The following VRK2 variants were observed in gnomAD, a reference collection of about 807,000 sequenced individuals.
VRK2 encodes serine/threonine-protein kinase VRK2.
In VRK2, 60 loss-of-function variants were observed where a neutral mutation model predicts 57.6. The observed-to-expected ratio is 1.04, with a 90% CI of 0.85 to 1.29. VRK2 has a LOEUF of 1.29. Ranked by LOEUF, VRK2 falls within the 50% of genes most tolerant of loss-of-function variation. The pLI, the probability that VRK2 is intolerant of heterozygous loss-of-function variation, is 0.00. For synonymous variants in VRK2, 231 were observed against 199.2 expected (o/e 1.16, Z -1.35); for missense variants, 705 against 588.1 (o/e 1.20, Z -2.06).
chr2:57,933,552 C>G (rs1670808497), intron 1 of VRK2, among the ~76,000 whole-genome samples: 1 of 151,678 alleles, frequency 6.6e-6, no homozygotes, highest in Non-Finnish European at 1.5e-5. Context: ...TCGTGATCCA[C>G]CCACCTCGGC....
chr2:57,930,709 A>T (rs1432935586), intron 1 of VRK2, among the ~76,000 whole-genome samples: 1 of 152,102 alleles, frequency 6.6e-6, no homozygotes, highest in Non-Finnish European at 1.5e-5. Flanking sequence ...TTACAACTGA[A>T]AGCTTATACC....
chr2:58,157,231 G>A (rs912836156), intron 12 of VRK2, among the ~76,000 whole-genome samples: 1 of 152,116 alleles, frequency 6.6e-6, no homozygotes, highest in Non-Finnish European at 1.5e-5. Context: ...AGATTTTCAT[G>A]GCCAGAGTGG....
At chr2:58,014,585 T>C (rs1009215206) in intron 1 of VRK2, among the ~76,000 whole-genome samples, 8 of 152,220 alleles carry the variant, frequency 5.3e-5, no homozygotes, top group Admixed American at 2.0e-4. Context: ...ATTTCACTCC[T>C]ATACTGCTTG....
At chr2:58,090,933 A>C (rs1374753326) in intron 7 of VRK2, among the ~76,000 whole-genome samples, 1 of 152,210 alleles carries the variant, frequency 6.6e-6, no homozygotes, top group South Asian at 2.1e-4. Context: ...GTATTTTACT[A>C]TGTAAAAGAA....
At chr2:58,006,288 G>A (rs1673241382) in intron 1 of VRK2, among the ~76,000 whole-genome samples, 1 of 152,158 alleles carries the variant, frequency 6.6e-6, no homozygotes, top group African/African-American at 2.4e-5. Context: ...GCAGTTAGGA[G>A]GGATTTTAAA....
intron 1 of VRK2, among the ~76,000 whole-genome samples, chr2:57,925,396 G>C (rs762844979): frequency 6.6e-6 from 1 of 152,002 alleles, no homozygotes; most frequent in Non-Finnish European, 1.5e-5. Flanking sequence ...GGTCTGTTCA[G>C]GTTTTGGATT....
chr2:58,024,134 C>T (rs374084257), intron 1 of VRK2, among the ~76,000 whole-genome samples: 2 of 151,996 alleles, frequency 1.3e-5, no homozygotes, highest in South Asian at 2.1e-4. Flanking sequence ...GGACTACAGG[C>T]GCCGGCCACC....
intron 7 of VRK2, among the ~76,000 whole-genome samples, chr2:58,113,312 CA>C (rs60456089): frequency 0.068 from 5,597 of 82,186 alleles, 229 homozygotes; most frequent in African/African-American, 0.14. Flanking sequence ...AACTCCGTCT[CA>C]AAAAAAAAAA....
chr2:58,007,824 A>C (rs2103639759), intron 1 of VRK2, among the ~76,000 whole-genome samples: 1 of 152,250 alleles, frequency 6.6e-6, no homozygotes, highest in South Asian at 2.1e-4. Flanking sequence ...AAAAATCACT[A>C]AAGACAGCTA....
intron 10 of VRK2, among the ~76,000 whole-genome samples, chr2:58,137,027 GTA>G (rs1224093312): frequency 9.6e-4 from 121 of 125,536 alleles, no homozygotes; most frequent in African/African-American, 3.1e-3. Flanking sequence ...TCTCATATGT[GTA>G]TATATATCAT....
upstream of VRK2, among the ~76,000 whole-genome samples, chr2:58,045,604 ACT>A (rs1049116652): frequency 5.3e-5 from 8 of 152,182 alleles, no homozygotes; most frequent in Non-Finnish European, 1.0e-4. Flanking sequence ...CTTTAAAAAT[ACT>A]TTTTTGTTTG....
Position 57,929,378 on chromosome 2 carries a change from T to G in VRK2, c.-439+21539T>G, listed in dbSNP as rs549388436. On this transcript the variant is annotated intron_variant, in intron 1 of 15. Transcript: ENST00000417641. ...GTGAGTACTGCCTAACCACCACCAG[T>G]GTTCACTCAAGGCCCACGTGTTCTT... Among the ~76,000 whole-genome samples, 3 of 152,234 alleles carry G rather than the reference T, an allele frequency of 2.0e-5. No homozygotes were observed. The East Asian group carries it at 5.8e-4, about 29-fold the overall frequency.
At chr2:57,962,165 T>A (rs1283853748) in intron 1 of VRK2, among the ~76,000 whole-genome samples, 1 of 152,200 alleles carries the variant, frequency 6.6e-6, no homozygotes, top group Non-Finnish European at 1.5e-5. Context: ...AGTCCTTGAT[T>A]AGTGAGACTA....
At chr2:57,972,743 A>C (rs1435476565) in intron 1 of VRK2, among the ~76,000 whole-genome samples, 1 of 151,834 alleles carries the variant, frequency 6.6e-6, no homozygotes, top group Non-Finnish European at 1.5e-5. Flanking sequence ...TTAAATATTT[A>C]TGTTCTTTAT....
At chr2:58,112,015 A>G (rs1675646340) in intron 7 of VRK2, among the ~76,000 whole-genome samples, 1 of 152,162 alleles carries the variant, frequency 6.6e-6, no homozygotes, top group Non-Finnish European at 1.5e-5. Flanking sequence ...TAAAAATAGG[A>G]CCTAGACTGT....
intron 7 of VRK2, among the ~76,000 whole-genome samples, chr2:58,113,439 C>G (rs1490633738): frequency 2.0e-5 from 3 of 152,074 alleles, no homozygotes; most frequent in Non-Finnish European, 2.9e-5. Context: ...GACTTTCATG[C>G]GGGTCCGTGT....
chr2:58,049,433 TTCTC>T (rs1168120219), intron 2 of VRK2, among the ~76,000 whole-genome samples: 5 of 152,206 alleles, frequency 3.3e-5, no homozygotes, highest in African/African-American at 1.2e-4. Context: ...ATGAATTAAC[TTCTC>T]TCTCGTGCAT....
chr2:58,075,302 C>T (rs546962421), intron 2 of VRK2, among the ~76,000 whole-genome samples: 114 of 152,174 alleles, frequency 7.5e-4, no homozygotes, highest in African/African-American at 2.6e-3. Flanking sequence ...CATTGATGGA[C>T]ATCTAGGTTG....
At position 57,969,532 on chromosome 2, in the gene VRK2, C is replaced by A. The variant is rs974827739; in HGVS notation, c.-438-56133C>A. 3.3e-5 allele frequency among the ~76,000 whole-genome samples: 5 copies of A among 151,764 alleles called. No individual in the cohort carries two copies. The South Asian group carries it at 8.3e-4, about 25-fold the overall frequency. Reference sequence around the variant, plus strand: ...AGTTTTTGGAGTAAAACTAAAGCTGCATCAAAAGTAAATTCACATCTTATA... The same window carrying A: ...AGTTTTTGGAGTAAAACTAAAGCTGAATCAAAAGTAAATTCACATCTTATA... On this transcript the variant is annotated intron_variant, in intron 1 of 15. Transcript: ENST00000417641.
Sources: allele counts gnomAD v4.1 joint callset (sites outside exome capture counted in the v4.1 genomes callset), GRCh38; gene constraint gnomAD v4.1.1; transcripts MANE v1.5; gene names NCBI Gene and HGNC (gene_info 2026-07-23, HGNC 2026-07-21).